CCDC50: variants seen among roughly 807,000 people sequenced by gnomAD.
The protein encoded by CCDC50 is coiled-coil domain-containing protein 50.
In CCDC50, 54 loss-of-function variants were observed where a neutral mutation model predicts 70.2. The observed-to-expected ratio is 0.77, with a 90% CI of 0.62 to 0.96. The LOEUF (loss-of-function observed/expected upper bound fraction) is 0.96, where lower values mean the gene tolerates loss of function less well. CCDC50 is among the 50% of genes least tolerant of loss of function. The probability of loss-of-function intolerance (pLI) is 0.00; values close to 1 mark genes in which losing one functional copy is unlikely to be tolerated. For synonymous variants in CCDC50, 216 were observed against 198.8 expected, an observed-to-expected ratio of 1.09 and a Z score of -0.73; for missense variants, 558 against 578.7, an observed-to-expected ratio of 0.96 and a Z score of 0.37.
In CCDC50 at chr3:191,398,494, C is replaced by T. The variant is rs1007060732; in HGVS notation, c.*6734C>T. The T allele has an allele frequency of 6.6e-6, 1 of 152,070 alleles. No homozygotes were observed. Among genetic ancestry groups the T allele is most frequent in the East Asian group, 1.9e-4 (1 of 5,198 alleles). 9.4% of individuals were successfully genotyped at this position (152,070 alleles called of 1,614,324 possible). A position where few individuals can be genotyped will look rare whatever the true frequency, so the allele number is the denominator to read the frequency against. The stretch of plus-strand genomic sequence containing the variant: ...CAGCATTCAAGGACAGGGAAACTTA[C>T]GAGAGTCTTATTATAATTATTATTA... On this transcript the variant is annotated 3_prime_UTR_variant, in exon 12 of 12. Coordinates refer to ENST00000392455, the MANE Select transcript of CCDC50 (RefSeq NM_178335.3).
At chr3:191,355,365 A>G (rs1373052041) in intron 1 of CCDC50, among the ~76,000 whole-genome samples, 1 of 152,190 alleles carries the variant, frequency 6.6e-6, no homozygotes, top group Non-Finnish European at 1.5e-5. Flanking sequence ...TGTCTTACCC[A>G]TTTAAAAATT....
chr3:191,387,379 A>G (rs1713532339), intron 10 of CCDC50, among the ~76,000 whole-genome samples: 1 of 152,170 alleles, frequency 6.6e-6, no homozygotes, highest in African/African-American at 2.4e-5. Context: ...GGCAGTCTTA[A>G]TACAATAAAA....
intron 6 of CCDC50, among the ~76,000 whole-genome samples, chr3:191,377,097 A>G (rs563848127): frequency 6.6e-5 from 10 of 152,282 alleles, no homozygotes; most frequent in South Asian, 4.2e-4. Context: ...TTGAAAAACA[A>G]TGTTACCAGG....
intron 3 of CCDC50, 69 bp from the exon 4 acceptor site, chr3:191,361,000 T>C (rs1427728786): frequency 9.7e-7 from 1 of 1,028,162 alleles, no homozygotes; most frequent in African/African-American, 1.6e-5. Context: ...CAATAAATTG[T>C]ATTTATTACT....
At chr3:191,365,125 G>T (rs1206114266) in intron 4 of CCDC50, among the ~76,000 whole-genome samples, 1 of 151,820 alleles carries the variant, frequency 6.6e-6, no homozygotes, top group Non-Finnish European at 1.5e-5. Flanking sequence ...TAAAATATAT[G>T]TGAATGTGCA....
chr3:191,384,842 A>C (rs934606815), intron 10 of CCDC50, among the ~76,000 whole-genome samples: 11 of 152,040 alleles, frequency 7.2e-5, no homozygotes, highest in Admixed American at 2.0e-4. Context: ...TGGTGTTCCC[A>C]GTGTCTATTA....
Position 191,380,813 on chromosome 3 carries a change from CTG to C in CCDC50, c.1138-13_1138-12del. 3 of 1,612,394 alleles carry C rather than the reference CTG, an allele frequency of 1.9e-6. No individual in the cohort carries two copies. Among genetic ancestry groups the C allele is most frequent in the Non-Finnish European group, 2.5e-6 (3 of 1,178,838 alleles). On this transcript the variant is annotated splice_polypyrimidine_tract_variant and intron_variant, in intron 8 of 11. Transcript: ENST00000392455. ...GCACCTCTGCAGTTAATGATATTGA[CTG>C]TATTTTGTTTAGGAAATCGCTCGAC...
intron 5 of CCDC50, 163 bp downstream of exon 5, chr3:191,370,199 A>C (rs1712851813): frequency 3.1e-6 from 2 of 637,242 alleles, no homozygotes; most frequent in Admixed American, 4.7e-5. Flanking sequence ...GAATCTAATA[A>C]ATTCATGTTT....
At position 191,348,466 on chromosome 3, in the gene CCDC50, A is replaced by G. The variant is rs888398306; in HGVS notation, c.50-8622A>G. Among the ~76,000 whole-genome samples, 10 of 142,604 alleles carry G rather than the reference A, an allele frequency of 7.0e-5. 2 individuals carry two copies. The allele number at this position is 142,604 out of a possible 152,430, so 93.6% of individuals were successfully genotyped here. On this transcript the variant is annotated intron_variant, in intron 1 of 11. Coordinates refer to ENST00000392455, the MANE Select transcript of CCDC50 (RefSeq NM_178335.3). ...TGTAGAGTGAAAATGTTTGTCTTTCACAAAGAAATTGCAAAAATTCTGTGT... is the reference window on the plus strand; with the variant it reads ...TGTAGAGTGAAAATGTTTGTCTTTCGCAAAGAAATTGCAAAAATTCTGTGT...
At chr3:191,374,262 G>A (rs1164339781) in intron 5 of CCDC50, among the ~76,000 whole-genome samples, 1 of 152,058 alleles carries the variant, frequency 6.6e-6, no homozygotes, top group Non-Finnish European at 1.5e-5. Context: ...CATATACTTA[G>A]CATATATTAT....
rs138707536 is a variant in CCDC50, at chr3:191,380,921, C to T, written c.1231C>T (p.Pro411Ser). 7 of 1,611,620 alleles carry T rather than the reference C, an allele frequency of 4.3e-6. No homozygotes were observed. The highest frequency in any genetic ancestry group is 1.7e-5 in the Admixed American group (1 of 59,768). ...ATCTTTGGACAAAAGAAAGCAAGAC[C>T]CCGAGTGGAAGGTAGAGTGTGTTTT... ...KSSLDKRKQD[P>S]EWKPKTAKAA... Residue 411 changes from proline to serine, a missense_variant, in exon 9 of 12, where the codon CCC becomes TCC. Physicochemically the swap from Pro to Ser is moderately conservative, Grantham distance 74 (BLOSUM62 -1). Transcript: ENST00000392455.
rs11328862 is a variant in CCDC50 at position 191,370,486 on chromosome 3, G to GT, written c.448+461dup. ...GGTGGTTTTTTTTGTTTGTTTTTTT[G>GT]TTTTTTTTTTTGTTTTTTTTGAGAT... On this transcript the variant is annotated intron_variant, in intron 5 of 11. Transcript: ENST00000392455. Among the ~76,000 whole-genome samples, 115 of 139,976 alleles carry GT rather than the reference G, an allele frequency of 8.2e-4. 1 individual carries two copies. Among genetic ancestry groups the GT allele is most frequent in the South Asian group, 6.0e-3 (27 of 4,468 alleles). The allele number at this position is 139,976 out of a possible 152,430, so 91.8% of individuals were successfully genotyped here. A position where few individuals can be genotyped will look rare whatever the true frequency, so the allele number is the denominator to read the frequency against.
intron 1 of CCDC50, chr3:191,330,296 A>AAC (rs3048670): frequency 0.057 from 7,753 of 137,074 alleles, 201 homozygotes; most frequent in South Asian, 0.086. Context: ...TTACAAACAA[A>AAC]ACACACACAC....
At chr3:191,341,089 G>T (rs1259501833) in intron 1 of CCDC50, among the ~76,000 whole-genome samples, 1 of 151,998 alleles carries the variant, frequency 6.6e-6, no homozygotes, top group African/African-American at 2.4e-5. Context: ...GCCTGCACTG[G>T]GATCATTTCT....
At chr3:191,351,698 G>A (rs1712112505) in intron 1 of CCDC50, among the ~76,000 whole-genome samples, 1 of 141,386 alleles carries the variant, frequency 7.1e-6, no homozygotes, top group African/African-American at 2.5e-5. Context: ...GTTGGCGTGA[G>A]GTGGAGTGGG....
chr3:191,365,121 A>G (rs1712636742), intron 4 of CCDC50, among the ~76,000 whole-genome samples: 1 of 151,620 alleles, frequency 6.6e-6, no homozygotes, highest in Non-Finnish European at 1.5e-5. Flanking sequence ...GGTTTAAAAT[A>G]TATGTGAATG....
At chr3:191,333,375 T>C (rs1718050402) in intron 1 of CCDC50, among the ~76,000 whole-genome samples, 1 of 152,172 alleles carries the variant, frequency 6.6e-6, no homozygotes, top group South Asian at 2.1e-4. Flanking sequence ...GGGAAAGATA[T>C]AAAATTATGT....
chr3:191,351,025 G>A (rs1364207236), intron 1 of CCDC50, among the ~76,000 whole-genome samples: 2 of 140,544 alleles, frequency 1.4e-5, no homozygotes, highest in Non-Finnish European at 3.2e-5. Context: ...TTGGGAGGGG[G>A]CACTTCTCTT....
intron 1 of CCDC50, among the ~76,000 whole-genome samples, chr3:191,334,054 A>G (rs554012228): frequency 1.3e-5 from 2 of 152,288 alleles, no homozygotes; most frequent in South Asian, 2.1e-4. Context: ...TACTTGAGTA[A>G]TAATAGGTTT....
Sources: allele counts gnomAD v4.1 joint callset (sites outside exome capture counted in the v4.1 genomes callset), GRCh38; gene constraint gnomAD v4.1.1; transcripts MANE v1.5; gene names NCBI Gene and HGNC (gene_info 2026-07-23, HGNC 2026-07-21).